Variants in TMEM39B observed in about 807,000 individuals in gnomAD.
The protein encoded by TMEM39B is transmembrane protein 39B.
In TMEM39B, 23 loss-of-function variants were observed where a neutral mutation model predicts 52.2. The ratio of observed to expected loss-of-function variants is 0.44; its 90% CI spans 0.32 to 0.62. The LOEUF is 0.62. TMEM39B is among the 20% of genes least tolerant of loss of function. The pLI, the probability that TMEM39B is intolerant of heterozygous loss-of-function variation, is 0.06. For synonymous variants in TMEM39B, 285 were observed against 264.0 expected (o/e 1.08, Z -0.77); for missense variants, 547 against 642.0 (o/e 0.85, Z 1.60).
At chr1:32,081,710 T>C (rs528968939) in intron 5 of TMEM39B, among the ~76,000 whole-genome samples, 1 of 152,136 alleles carries the variant, frequency 6.6e-6, no homozygotes, top group African/African-American at 2.4e-5. Context: ...TTTGCACCAC[T>C]GCACTCCAGC....
chr1:32,080,598 C>T lies in TMEM39B; in HGVS notation c.590+3280C>T, dbSNP rs556882566. On this transcript the variant is annotated intron_variant, in intron 5 of 8. Transcript: ENST00000336294. ...AGGAGAATGGTGTGAACCTGGGAGG[C>T]GGAGCTTGCAGTGAGCCAAGATCGC... Among the ~76,000 whole-genome samples, 7 of 147,278 alleles carry T rather than the reference C, an allele frequency of 4.8e-5. No individual in the cohort carries two copies. The South Asian group carries it at 8.7e-4, about 18-fold the overall frequency.
At chr1:32,084,823 C>T (rs1640273734) in intron 5 of TMEM39B, among the ~76,000 whole-genome samples, 1 of 152,136 alleles carries the variant, frequency 6.6e-6, no homozygotes, top group Non-Finnish European at 1.5e-5. Flanking sequence ...ACCTCAGCCT[C>T]CCAAAGTGCT....
intron 5 of TMEM39B, among the ~76,000 whole-genome samples, chr1:32,090,138 C>T (rs905029592): frequency 2.0e-5 from 3 of 151,806 alleles, no homozygotes; most frequent in Non-Finnish European, 4.4e-5. Flanking sequence ...ATTGAGAGGC[C>T]CCAAGCTGAA....
intron 7 of TMEM39B, among the ~76,000 whole-genome samples, chr1:32,096,554 G>T (rs1248623355): frequency 6.7e-6 from 1 of 148,870 alleles, no homozygotes; most frequent in Admixed American, 6.7e-5. Context: ...CCACCTCCTG[G>T]ATTCAAGCGA....
chr1:32,086,250 A>G (rs749764735), intron 5 of TMEM39B, among the ~76,000 whole-genome samples: 1 of 152,084 alleles, frequency 6.6e-6, no homozygotes, highest in Admixed American at 6.6e-5. Flanking sequence ...TTCATCTTCT[A>G]TCATATGTGC....
chr1:32,073,572 G>GT, intron 1 of TMEM39B: 13 of 990,692 alleles, frequency 1.3e-5, no homozygotes, highest in Non-Finnish European at 1.4e-5. Flanking sequence ...GGGGCTTTAT[G>GT]TGGGTGCAGA....
chr1:32,091,742 A>G lies in TMEM39B; in HGVS notation c.658A>G (p.Met220Val), dbSNP rs1161330628. The G allele has an allele frequency of 1.9e-6, 3 of 1,614,046 alleles. No individual in the cohort carries two copies. Among genetic ancestry groups the G allele is most frequent in the Non-Finnish European group, 2.5e-6 (3 of 1,180,028 alleles). ...CCGCAAGACAAGCCTCTTCAACCACATGGCCTCCATGGGGCCCCGGGAGGC... is the reference window on the plus strand; with the variant it reads ...CCGCAAGACAAGCCTCTTCAACCACGTGGCCTCCATGGGGCCCCGGGAGGC... ...DLRKTSLFNH[M>V]ASMGPREAVS... The change falls in exon 6 of 9, where the codon ATG becomes GTG. Residue 220 changes from methionine (M) to valine (V), a missense_variant. Transcript: ENST00000336294.
chr1:32,097,394 G>A (rs1235993791), intron 7 of TMEM39B, among the ~76,000 whole-genome samples: 2 of 150,686 alleles, frequency 1.3e-5, no homozygotes, highest in African/African-American at 2.4e-5. Flanking sequence ...GCAGTGGCGC[G>A]ATCTTGGCTC....
chr1:32,079,149 G>A (rs552709835), intron 5 of TMEM39B, among the ~76,000 whole-genome samples: 13 of 149,614 alleles, frequency 8.7e-5, no homozygotes, highest in Middle Eastern at 3.5e-3. Flanking sequence ...TCCCACTACT[G>A]ATCAACACAG....
At chr1:32,087,925 G>T (rs998273142) in intron 5 of TMEM39B, 1 of 151,080 alleles carries the variant, frequency 6.6e-6, no homozygotes, top group Non-Finnish European at 1.5e-5. Flanking sequence ...TGGGATTACA[G>T]GCATGAGCCA....
At chr1:32,072,841 A>G, upstream of TMEM39B, 1 of 572,260 alleles carries the variant, frequency 1.7e-6, no homozygotes, top group East Asian at 3.4e-5. Context: ...AAGAGCGCGC[A>G]GGCACCGCCT....
At chr1:32,072,808 A>G, upstream of TMEM39B, 1 of 535,762 alleles carries the variant, frequency 1.9e-6, no homozygotes, top group Admixed American at 3.7e-5. Context: ...AGCTGCAGGA[A>G]GGGCGTGGGG....
At chr1:32,089,734 C>T (rs1041611318) in intron 5 of TMEM39B, among the ~76,000 whole-genome samples, 3 of 149,702 alleles carry the variant, frequency 2.0e-5, no homozygotes, top group Non-Finnish European at 3.0e-5. Flanking sequence ...GCAACCTCTG[C>T]CTCCTGAAAT....
chr1:32,073,187 C>G, intron 1 of TMEM39B, 136 bp downstream of exon 1: 1 of 1,129,800 alleles, frequency 8.9e-7, no homozygotes, highest in East Asian at 4.1e-5. Context: ...AGACGGGATC[C>G]CGCCCCCTCC....
intron 5 of TMEM39B, among the ~76,000 whole-genome samples, chr1:32,087,351 C>T (rs890188554): frequency 7.2e-6 from 1 of 139,148 alleles, no homozygotes; most frequent in South Asian, 2.3e-4. Flanking sequence ...AGGCCGGGTG[C>T]GGTGGCTCAC....
At chr1:32,086,277 T>C (rs1640346813) in intron 5 of TMEM39B, among the ~76,000 whole-genome samples, 1 of 151,590 alleles carries the variant, frequency 6.6e-6, no homozygotes, top group Non-Finnish European at 1.5e-5. Flanking sequence ...CAAGGCAGAG[T>C]CTCTCTTGGG....
At chr1:32,083,344 A>G (rs1640195202) in intron 5 of TMEM39B, among the ~76,000 whole-genome samples, 1 of 150,296 alleles carries the variant, frequency 6.7e-6, no homozygotes, top group Non-Finnish European at 1.5e-5. Context: ...CAGCTTCCCA[A>G]AGTGCTGGGA....
chr1:32,081,190 ATTTGTTTG>A (rs113300673), intron 5 of TMEM39B, among the ~76,000 whole-genome samples: 47 of 150,076 alleles, frequency 3.1e-4, no homozygotes, highest in African/African-American at 2.7e-4. Context: ...GGGTTTTTTT[ATTTGTTTG>A]TTTGTTTGTT....
At chr1:32,085,478 C>T (rs1000530257) in intron 5 of TMEM39B, among the ~76,000 whole-genome samples, 3 of 152,180 alleles carry the variant, frequency 2.0e-5, no homozygotes, top group Admixed American at 6.6e-5. Flanking sequence ...TTTGGCTGGG[C>T]GTGGTGGCTC....
Sources: allele counts gnomAD v4.1 joint callset (sites outside exome capture counted in the v4.1 genomes callset), GRCh38; gene constraint gnomAD v4.1.1; transcripts MANE v1.5; gene names NCBI Gene and HGNC (gene_info 2026-07-23, HGNC 2026-07-21).